TMEM108: variants seen among roughly 807,000 people sequenced by gnomAD.
The protein encoded by TMEM108 is cancer/testis antigen 124.
Under a neutral mutation model 35.1 loss-of-function variants are expected in TMEM108, and 12 were observed. The observed-to-expected ratio is 0.34, with a 90% CI of 0.22 to 0.55. The LOEUF is 0.55. Among genes scored for constraint, TMEM108 ranks in the 20% least tolerant of loss-of-function variants. The probability of loss-of-function intolerance (pLI) is 0.89; values close to 1 mark genes in which losing one functional copy is unlikely to be tolerated. For synonymous variants in TMEM108, 287 were observed against 308.6 expected, an observed-to-expected ratio of 0.93 and a Z score of 0.73; for missense variants, 680 against 753.3, an observed-to-expected ratio of 0.90 and a Z score of 1.14.
chr3:133,206,875 A>T (rs1040047066), intron 2 of TMEM108, among the ~76,000 whole-genome samples: 2 of 152,228 alleles, frequency 1.3e-5, no homozygotes, highest in African/African-American at 4.8e-5. Flanking sequence ...ATGTAGGAAC[A>T]CTTAAGTCTG....
intron 3 of TMEM108, among the ~76,000 whole-genome samples, chr3:133,362,744 C>T (rs2072389725): frequency 6.6e-6 from 1 of 152,188 alleles, no homozygotes. Context: ...AAGCTGGCTC[C>T]TGAGCTCTTG....
At chr3:133,062,677 CA>C (rs1341015971) in intron 2 of TMEM108, among the ~76,000 whole-genome samples, 6 of 152,270 alleles carry the variant, frequency 3.9e-5, no homozygotes, top group Non-Finnish European at 7.3e-5. Flanking sequence ...TTCATTTCCA[CA>C]AAGATTTATC....
chr3:133,052,026 CAA>C (rs1553727427), intron 2 of TMEM108, among the ~76,000 whole-genome samples: 1 of 152,080 alleles, frequency 6.6e-6, no homozygotes, highest in Non-Finnish European at 1.5e-5. Context: ...TTGGTAGCCA[CAA>C]AATAACTTGC....
chr3:133,238,516 C>G (rs1427561315), intron 3 of TMEM108, among the ~76,000 whole-genome samples: 1 of 152,168 alleles, frequency 6.6e-6, no homozygotes, highest in East Asian at 1.9e-4. Context: ...TGGATTGTGG[C>G]TAACTGGGAA....
At position 133,380,029 on chromosome 3, in the gene TMEM108, C is replaced by T; in HGVS notation, c.318C>T (p.Ala106=). ...TISTIAATVT[A]PHSESSLSTG... is the part of the protein sequence containing the mutation. ...CCACCATCGCTGCGACAGTAACCGC[C>T]CCCCATTCTGAAAGCTCCCTGTCCA... Residue 106 remains alanine (A), a synonymous_variant, in exon 4 of 6, where the codon GCC becomes GCT. Transcript: ENST00000321871. This position sits in a 1 kb window ranked among gnomAD's most constrained non-coding sequence, Gnocchi z 5.3. 6.2e-7 allele frequency: 1 copy of T among 1,613,986 alleles called. No homozygotes were observed. The highest frequency in any genetic ancestry group is 1.1e-5 in the South Asian group (1 of 91,070).
At chr3:133,113,812 A>G (rs2107727168) in intron 2 of TMEM108, among the ~76,000 whole-genome samples, 1 of 152,236 alleles carries the variant, frequency 6.6e-6, no homozygotes, top group Admixed American at 6.6e-5. Context: ...GTATATATAT[A>G]TAATCATTGG....
chr3:133,119,349 G>A (rs1944324985), intron 2 of TMEM108: 1 of 152,166 alleles, frequency 6.6e-6, no homozygotes, highest in Non-Finnish European at 1.5e-5. Context: ...TGCAAAGACA[G>A]AGCCTCTCAT....
intron 3 of TMEM108, among the ~76,000 whole-genome samples, chr3:133,360,870 G>A (rs140737567): frequency 1.0e-3 from 155 of 152,294 alleles, no homozygotes; most frequent in African/African-American, 3.7e-3. Flanking sequence ...AGACAGTGAA[G>A]AAGCTATTTG....
At chr3:133,118,767 A>C (rs1944317049) in intron 2 of TMEM108, among the ~76,000 whole-genome samples, 1 of 152,168 alleles carries the variant, frequency 6.6e-6, no homozygotes, top group Admixed American at 6.5e-5. Flanking sequence ...TCGGCTTCCC[A>C]CAGACATAAG....
intron 3 of TMEM108, among the ~76,000 whole-genome samples, chr3:133,364,152 A>G (rs1457938341): frequency 6.6e-6 from 1 of 152,268 alleles, no homozygotes; most frequent in African/African-American, 2.4e-5. Context: ...AAGAGCTTAA[A>G]TAACTTGTCC....
At chr3:133,378,655 T>A in intron 3 of TMEM108, 27 of 437,452 alleles carry the variant, frequency 6.2e-5, no homozygotes, top group Non-Finnish European at 8.2e-5. Flanking sequence ...ATGTCATGCT[T>A]GCATGAGGTA....
chr3:133,116,489 T>C (rs955083440), intron 2 of TMEM108, among the ~76,000 whole-genome samples: 1 of 152,238 alleles, frequency 6.6e-6, no homozygotes, highest in Non-Finnish European at 1.5e-5. Context: ...TCTTGTATTT[T>C]ATTTACATAA....
At chr3:133,159,657 G>A (rs532423449) in intron 2 of TMEM108, among the ~76,000 whole-genome samples, 4 of 152,230 alleles carry the variant, frequency 2.6e-5, no homozygotes, top group African/African-American at 4.8e-5. Flanking sequence ...CCCTGTGAGC[G>A]GATATTGTTG....
At chr3:133,086,909 G>A (rs538943529) in intron 2 of TMEM108, among the ~76,000 whole-genome samples, 1 of 152,308 alleles carries the variant, frequency 6.6e-6, no homozygotes, top group Admixed American at 6.5e-5. Flanking sequence ...GGATCAGCAT[G>A]CTTTATAGTT....
chr3:133,392,540 C>A (rs1322229217), intron 5 of TMEM108, among the ~76,000 whole-genome samples: 1 of 152,100 alleles, frequency 6.6e-6, no homozygotes, highest in Non-Finnish European at 1.5e-5. Context: ...CTACCTGTAA[C>A]CTTAATGTCT....
intron 2 of TMEM108, among the ~76,000 whole-genome samples, chr3:133,062,598 A>G (rs962113228): frequency 1.3e-5 from 2 of 152,340 alleles, no homozygotes; most frequent in Middle Eastern, 6.8e-3. Context: ...AGTAAATCTC[A>G]TATAAAATGT....
chr3:133,178,144 C>G (rs982772268), intron 2 of TMEM108, among the ~76,000 whole-genome samples: 1 of 152,156 alleles, frequency 6.6e-6, no homozygotes, highest in Non-Finnish European at 1.5e-5. Context: ...CTACAAACCA[C>G]TGCTCAATGA....
intron 2 of TMEM108, among the ~76,000 whole-genome samples, chr3:133,154,594 A>G (rs930052092): frequency 1.3e-5 from 2 of 152,122 alleles, no homozygotes; most frequent in African/African-American, 2.4e-5. Flanking sequence ...CATCATTCTC[A>G]GCAAACTATC....
At chr3:133,313,939 G>C (rs2071165494) in intron 3 of TMEM108, among the ~76,000 whole-genome samples, 1 of 151,990 alleles carries the variant, frequency 6.6e-6, no homozygotes, top group African/African-American at 2.4e-5. Context: ...CTAATGCATG[G>C]ATGATTAGAA....
Sources: gnomAD v4.1 joint callset for allele counts (sites outside exome capture counted in the v4.1 genomes callset) on GRCh38, gnomAD v4.1.1 for gene constraint, Gnocchi (gnomAD v3.1) non-coding constraint, MANE v1.5 for transcripts, NCBI Gene and HGNC (gene_info 2026-07-23, HGNC 2026-07-21) for gene names.